Variants in SLC4A4 observed in about 807,000 individuals in gnomAD.
SLC4A4 encodes the protein solute carrier family 4 member 4.
Under a neutral mutation model 111.5 loss-of-function variants are expected in SLC4A4, and 27 were observed. The ratio of observed to expected loss-of-function variants is 0.24; its 90% CI spans 0.18 to 0.33. SLC4A4 has a LOEUF of 0.33. Ranked by LOEUF, SLC4A4 falls within the 10% of genes least tolerant of loss-of-function variation. The pLI, the probability that SLC4A4 is intolerant of heterozygous loss-of-function variation, is 1.00. For synonymous variants in SLC4A4, 443 were observed against 463.4 expected, an observed-to-expected ratio of 0.96 and a Z score of 0.57; for missense variants, 909 against 1,315.5, an observed-to-expected ratio of 0.69 and a Z score of 4.78.
intron 2 of SLC4A4, among the ~76,000 whole-genome samples, chr4:71,178,006 G>T (rs987170448): frequency 1.3e-5 from 2 of 152,130 alleles, no homozygotes; most frequent in Non-Finnish European, 2.9e-5. Context: ...AATCAAACTG[G>T]AACTCAGGAT....
intron 24 of SLC4A4, among the ~76,000 whole-genome samples, chr4:71,565,236 A>G (rs1737360405): frequency 6.6e-6 from 1 of 151,914 alleles, no homozygotes; most frequent in South Asian, 2.1e-4. Context: ...TTCCTGTCAT[A>G]GCCGAAGTGT....
At chr4:71,477,216 A>G (rs1199537347) in intron 14 of SLC4A4, among the ~76,000 whole-genome samples, 1 of 151,726 alleles carries the variant, frequency 6.6e-6, no homozygotes, top group Admixed American at 6.6e-5. Flanking sequence ...GATTGTGCCT[A>G]TTCTTAGAGG....
chr4:71,338,628 T>A (rs1728623848), intron 3 of SLC4A4, among the ~76,000 whole-genome samples: 1 of 151,776 alleles, frequency 6.6e-6, no homozygotes, highest in South Asian at 2.1e-4. Flanking sequence ...TAATTTTTCA[T>A]TGCATGATTT....
Position 71,443,609 on chromosome 4 carries a change from G to T in SLC4A4, c.965+2836G>T, listed in dbSNP as rs74937778. Among the ~76,000 whole-genome samples, 10 of 152,256 alleles carry T rather than the reference G, an allele frequency of 6.6e-5. No individual in the cohort carries two copies. In the East Asian group the frequency reaches 1.9e-3, roughly 29 times the overall value. ...AAGAGTTTTAGGGACAGCCTAGGGA[G>T]ATTCTAGAAAAGATTGGAATAAAAT... is the stretch of plus-strand genomic sequence containing the variant. On this transcript the variant is annotated intron_variant, in intron 8 of 25. Coordinates refer to ENST00000264485, the MANE Select transcript of SLC4A4 (RefSeq NM_001098484.3).
chr4:71,156,588 G>GCGCGCGCACACACACA (rs376043069), intron 2 of SLC4A4, among the ~76,000 whole-genome samples: 221 of 138,522 alleles, frequency 1.6e-3, no homozygotes, highest in Non-Finnish European at 2.9e-3. Context: ...GCGCGCGCGC[G>GCGCGCGCACACACACA]CACACACACA....
At chr4:71,456,526 A>G (rs906997771) in intron 12 of SLC4A4, among the ~76,000 whole-genome samples, 4 of 152,148 alleles carry the variant, frequency 2.6e-5, no homozygotes, top group African/African-American at 7.2e-5. Context: ...TGGCAGGAGA[A>G]GTCTTCTTGA....
rs138192516 is a variant in SLC4A4, at chr4:71,389,915, A to G, written c.731-7662A>G. Reference sequence around the variant, plus strand: ...AAAATATTTTAAACAAAACAAAACAATTAAAAAGAAAATAAGCAAAAATAC... The same window carrying G: ...AAAATATTTTAAACAAAACAAAACAGTTAAAAAGAAAATAAGCAAAAATAC... On this transcript the variant is annotated intron_variant, in intron 6 of 25. Coordinates refer to ENST00000264485, the MANE Select transcript of SLC4A4 (RefSeq NM_001098484.3). 1.9e-4 allele frequency among the ~76,000 whole-genome samples: 29 copies of G among 152,322 alleles called. No individual in the cohort carries two copies. In the East Asian group the frequency reaches 5.4e-3, roughly 28 times the overall value.
intron 7 of SLC4A4, chr4:71,437,050 A>G: frequency 5.2e-6 from 2 of 388,118 alleles, no homozygotes; most frequent in Non-Finnish European, 5.1e-6. Flanking sequence ...ACAACCTTTC[A>G]TTTTAACTAT....
At chr4:71,469,592 C>G (rs1438953286) in intron 13 of SLC4A4, among the ~76,000 whole-genome samples, 1 of 151,846 alleles carries the variant, frequency 6.6e-6, no homozygotes, top group African/African-American at 2.4e-5. Flanking sequence ...ATATCATTTC[C>G]TGTTGCTTTT....
At chr4:71,084,295 A>G (rs1254721985) in intron 1 of SLC4A4, among the ~76,000 whole-genome samples, 1 of 152,096 alleles carries the variant, frequency 6.6e-6, no homozygotes, top group Non-Finnish European at 1.5e-5. Context: ...ATTAAACACA[A>G]TTTTAAATGG....
In SLC4A4 at chr4:71,432,524, A is replaced by T. The variant is rs534064332; in HGVS notation, c.808-8092A>T. Among the ~76,000 whole-genome samples, 7 of 152,232 alleles carry T rather than the reference A, an allele frequency of 4.6e-5. No individual in the cohort carries two copies. The South Asian group carries it at 1.5e-3, about 32-fold the overall frequency. On this transcript the variant is annotated intron_variant, in intron 7 of 25. Transcript: ENST00000264485. ...TATCTGTAAGATGTAAATTTTTTTA[A>T]AAATATTAGTATTTCTTGAAGGATT...
chr4:71,449,313 G>A (rs1012638431), intron 9 of SLC4A4, among the ~76,000 whole-genome samples: 15 of 152,136 alleles, frequency 9.9e-5, no homozygotes, highest in African/African-American at 3.6e-4. Context: ...AGGTATTCTA[G>A]AGCTTTCCCA....
At chr4:71,348,750 G>GT (rs907205370) in intron 4 of SLC4A4, among the ~76,000 whole-genome samples, 28 of 151,224 alleles carry the variant, frequency 1.9e-4, no homozygotes, top group East Asian at 1.6e-3. Flanking sequence ...CTACTAATGT[G>GT]TTTTTTTTTC....
chr4:71,268,671 A>AAAGG (rs1448476356), intron 3 of SLC4A4, among the ~76,000 whole-genome samples: 2 of 152,172 alleles, frequency 1.3e-5, no homozygotes, highest in Non-Finnish European at 2.9e-5. Flanking sequence ...ATAAATCAGA[A>AAAGG]AAGGTCTCAG....
At chr4:71,248,709 A>G (rs1050800057) in intron 2 of SLC4A4, among the ~76,000 whole-genome samples, 2 of 152,198 alleles carry the variant, frequency 1.3e-5, no homozygotes, top group Admixed American at 6.5e-5. Flanking sequence ...TTGTATTTCT[A>G]TAAACATATT....
intron 7 of SLC4A4, among the ~76,000 whole-genome samples, chr4:71,424,253 C>G (rs1722863059): frequency 6.6e-6 from 1 of 152,124 alleles, no homozygotes; most frequent in Admixed American, 6.6e-5. Flanking sequence ...CTCACCATCA[C>G]TGGCCATCAG....
chr4:71,554,812 G>A (rs1474606841), intron 20 of SLC4A4, among the ~76,000 whole-genome samples: 1 of 151,520 alleles, frequency 6.6e-6, no homozygotes, highest in African/African-American at 2.4e-5. Flanking sequence ...GAAGCATCTT[G>A]TTTACATAGT....
At chr4:71,086,504 C>T (rs940034421) in intron 1 of SLC4A4, among the ~76,000 whole-genome samples, 1 of 151,932 alleles carries the variant, frequency 6.6e-6, no homozygotes, top group African/African-American at 2.4e-5. Context: ...GGAATGTTTC[C>T]AGTTTTTGCC....
intron 1 of SLC4A4, among the ~76,000 whole-genome samples, chr4:71,088,058 C>G (rs959011973): frequency 1.3e-5 from 2 of 151,912 alleles, no homozygotes; most frequent in African/African-American, 2.4e-5. Context: ...TTGTAGGTCT[C>G]TAAGGACTTG....
Sources: allele counts gnomAD v4.1 joint callset (sites outside exome capture counted in the v4.1 genomes callset), GRCh38; gene constraint gnomAD v4.1.1; transcripts MANE v1.5; gene names NCBI Gene and HGNC (gene_info 2026-07-23, HGNC 2026-07-21).